The following SLC24A2 variants were observed in gnomAD, a reference collection of about 807,000 sequenced individuals.
The protein encoded by SLC24A2 is sodium/potassium/calcium exchanger 2.
In SLC24A2, 36 loss-of-function variants were observed where a neutral mutation model predicts 62.0. The ratio of observed to expected loss-of-function variants is 0.58; its 90% confidence interval spans 0.44 to 0.77. The LOEUF (loss-of-function observed/expected upper bound fraction) is 0.77. SLC24A2 is among the 30% of genes least tolerant of loss of function. SLC24A2 has a pLI of 0.00. For missense variants in SLC24A2, 846 were observed against 817.9 expected (o/e 1.03, Z -0.42); for synonymous variants, 358 against 294.0 (o/e 1.22, Z -2.23).
the SLC24A2 span, among the ~76,000 whole-genome samples, chr9:20,020,479 C>A: frequency 6.6e-6 from 1 of 152,108 alleles, no homozygotes; most frequent in Non-Finnish European, 1.5e-5. Flanking sequence ...GAACAGAAAA[C>A]CAAACACTGC....
chr9:19,911,684 C>G, the SLC24A2 span, among the ~76,000 whole-genome samples: 1 of 152,264 alleles, frequency 6.6e-6, no homozygotes, highest in East Asian at 1.9e-4. Context: ...CATTGAATAT[C>G]CAGCTTCTCT....
At chr9:20,068,057 C>CTTTTTTTTTTT in the SLC24A2 span, among the ~76,000 whole-genome samples, 1 of 89,742 alleles carries the variant, frequency 1.1e-5, no homozygotes, top group Non-Finnish European at 2.1e-5. Context: ...TTTTTTGACT[C>CTTTTTTTTTTT]TTTTTTTTTT....
At chr9:20,292,747 G>A in the SLC24A2 span, among the ~76,000 whole-genome samples, 1,057 of 152,316 alleles carry the variant, frequency 6.9e-3, 14 homozygotes, top group African/African-American at 0.025. Flanking sequence ...GCACCACCAA[G>A]CCCAGGTAAT....
intron 2 of SLC24A2, among the ~76,000 whole-genome samples, chr9:19,634,262 T>C (rs564920113): frequency 3.4e-5 from 5 of 147,856 alleles, no homozygotes; most frequent in African/African-American, 9.9e-5. Context: ...GCAGGCAATC[T>C]AACTTGAAAC....
chr9:19,731,585 G>A (rs1416790019), intron 2 of SLC24A2, among the ~76,000 whole-genome samples: 2 of 151,804 alleles, frequency 1.3e-5, no homozygotes, highest in African/African-American at 4.8e-5. Flanking sequence ...AAAACAGCAA[G>A]AAGTTGAACA....
the SLC24A2 span, among the ~76,000 whole-genome samples, chr9:20,181,086 G>A: frequency 5.3e-5 from 8 of 151,970 alleles, no homozygotes; most frequent in Non-Finnish European, 1.0e-4. Context: ...CTTGGCATTC[G>A]AGAGAAAACT....
At chr9:19,836,855 C>A in the SLC24A2 span, among the ~76,000 whole-genome samples, 10 of 152,150 alleles carry the variant, frequency 6.6e-5, no homozygotes, top group Non-Finnish European at 1.2e-4. Flanking sequence ...CAGAATCCAG[C>A]AACACATCAA....
At chr9:20,243,073 G>A in the SLC24A2 span, among the ~76,000 whole-genome samples, 3 of 152,122 alleles carry the variant, frequency 2.0e-5, no homozygotes, top group Non-Finnish European at 2.9e-5. Flanking sequence ...AGAGACTTCC[G>A]TGGTTTCTTA....
upstream of SLC24A2, among the ~76,000 whole-genome samples, chr9:19,792,404 G>T (rs1424509433): frequency 6.6e-6 from 1 of 152,018 alleles, no homozygotes; most frequent in Admixed American, 6.6e-5. Flanking sequence ...AGAGATGGTT[G>T]AGGGCCAGGT....
At chr9:19,897,285 C>T in the SLC24A2 span, among the ~76,000 whole-genome samples, 1 of 152,098 alleles carries the variant, frequency 6.6e-6, no homozygotes, top group Non-Finnish European at 1.5e-5. Flanking sequence ...CAGTCAAGTA[C>T]ATGTTAGTTC....
At chr9:20,006,953 T>C in the SLC24A2 span, among the ~76,000 whole-genome samples, 1 of 152,304 alleles carries the variant, frequency 6.6e-6, no homozygotes, top group South Asian at 2.1e-4. Flanking sequence ...CAAGGACCTA[T>C]AACAAAAGTG....
At chr9:20,129,510 A>AT in the SLC24A2 span, among the ~76,000 whole-genome samples, 2 of 152,146 alleles carry the variant, frequency 1.3e-5, no homozygotes, top group Admixed American at 6.6e-5. Context: ...ACAATAGCCA[A>AT]AAGATGGAAA....
At chr9:19,631,862 G>A (rs7019698) in intron 2 of SLC24A2, among the ~76,000 whole-genome samples, 1 of 152,214 alleles carries the variant, frequency 6.6e-6, no homozygotes, top group South Asian at 2.1e-4. Context: ...TAACCTGAGA[G>A]AGCCAGTCTT....
chr9:20,155,203 A>T, the SLC24A2 span, among the ~76,000 whole-genome samples: 32 of 151,780 alleles, frequency 2.1e-4, 1 homozygote, highest in Admixed American at 2.1e-3. Flanking sequence ...ATTAACAAGG[A>T]GCATTGTAAG....
At chr9:19,790,530 C>CAAAAAAAA (rs3086381), upstream of SLC24A2, among the ~76,000 whole-genome samples, 1 of 122,438 alleles carries the variant, frequency 8.2e-6, no homozygotes, top group Non-Finnish European at 1.6e-5. Flanking sequence ...ATTTGAGCAT[C>CAAAAAAAA]AAAAAAAAAA....
intron 2 of SLC24A2, among the ~76,000 whole-genome samples, chr9:19,638,109 T>C (rs568651329): frequency 6.6e-6 from 1 of 152,176 alleles, no homozygotes; most frequent in Non-Finnish European, 1.5e-5. Flanking sequence ...GAAGAGTAAA[T>C]AGCCCAAGGC....
chr9:20,093,131 G>C, the SLC24A2 span, among the ~76,000 whole-genome samples: 29 of 151,686 alleles, frequency 1.9e-4, no homozygotes, highest in Non-Finnish European at 4.1e-4. Context: ...GAGCGCAGTA[G>C]CGCAATCTCG....
At chr9:19,556,630 C>G (rs1222964436) in intron 7 of SLC24A2, among the ~76,000 whole-genome samples, 1 of 152,160 alleles carries the variant, frequency 6.6e-6, no homozygotes, top group Non-Finnish European at 1.5e-5. Flanking sequence ...GAAGTTCTTA[C>G]ATCTCTCCCC....
the SLC24A2 span, among the ~76,000 whole-genome samples, chr9:19,909,796 G>T: frequency 6.6e-6 from 1 of 151,980 alleles, no homozygotes; most frequent in Admixed American, 6.6e-5. Context: ...ATTGCTTTCA[G>T]CTCAAAAAAA....
Sources: allele counts gnomAD v4.1 joint callset (sites outside exome capture counted in the v4.1 genomes callset), GRCh38; gene constraint gnomAD v4.1.1; transcripts MANE v1.5; gene names NCBI Gene and HGNC (gene_info 2026-07-23, HGNC 2026-07-21).